TMEM178B: variants seen among roughly 807,000 people sequenced by gnomAD.
TMEM178B encodes transmembrane protein 178B.
TMEM178B carries 5 observed loss-of-function variants against 31.0 expected under a neutral mutation model. That is an observed-to-expected ratio of 0.16 (90% CI 0.08 to 0.34). The LOEUF is 0.34. Ranked by LOEUF, TMEM178B falls within the 10% of genes least tolerant of loss-of-function variation. The pLI is 1.00. For missense variants in TMEM178B, 275 were observed against 400.3 expected (o/e 0.69, Z 2.67); for synonymous variants, 164 against 164.0 (o/e 1.00, Z 0.00).
chr7:141,349,643 A>G (rs961541524), intron 2 of TMEM178B, among the ~76,000 whole-genome samples: 3 of 152,216 alleles, frequency 2.0e-5, no homozygotes, highest in Non-Finnish European at 2.9e-5. Context: ...GGCAGAAGGC[A>G]ATCGTTTCAT....
intron 2 of TMEM178B, among the ~76,000 whole-genome samples, chr7:141,364,058 C>T (rs1563162516): frequency 6.6e-6 from 1 of 152,094 alleles, no homozygotes; most frequent in African/African-American, 2.4e-5. Context: ...AGGCTTTTCT[C>T]ACCCATGAAT....
At chr7:141,402,614 G>A (rs1435447744) in intron 2 of TMEM178B, among the ~76,000 whole-genome samples, 1 of 152,252 alleles carries the variant, frequency 6.6e-6, no homozygotes, top group African/African-American at 2.4e-5. Flanking sequence ...GGGTGGGAGA[G>A]AAGTGAATTT....
At chr7:141,333,797 C>G (rs1397566899) in intron 2 of TMEM178B, among the ~76,000 whole-genome samples, 1 of 152,232 alleles carries the variant, frequency 6.6e-6, no homozygotes, top group Non-Finnish European at 1.5e-5. Context: ...AACTGTTCCA[C>G]CTCAGATCAT....
chr7:141,344,628 C>CTTCT lies in TMEM178B; in HGVS notation c.497-92979_497-92978insTCTT. On this transcript the variant is annotated intron_variant, in intron 2 of 3. Coordinates refer to ENST00000565468, the MANE Select transcript of TMEM178B (RefSeq NM_001195278.2). The surrounding 1 kb of genome is among the most constrained non-coding windows in gnomAD (Gnocchi z 4.1). ...CCTTCCTTCCTTCCTTCCTTCCTTC[C>CTTCT]TCCCTTCCTTCTTCCCTTCATCAAA... 6.9e-6 allele frequency among the ~76,000 whole-genome samples: 1 copy of CTTCT among 145,222 alleles called. No individual in the cohort carries two copies. Among genetic ancestry groups the CTTCT allele is most frequent in the Non-Finnish European group, 1.5e-5 (1 of 66,494 alleles).
intron 1 of TMEM178B, among the ~76,000 whole-genome samples, chr7:141,133,917 A>G (rs1795634005): frequency 1.3e-5 from 2 of 152,232 alleles, no homozygotes; most frequent in South Asian, 2.1e-4. Flanking sequence ...GGCCAAGAGA[A>G]TATATCATGG....
intron 1 of TMEM178B, among the ~76,000 whole-genome samples, chr7:141,195,811 C>T (rs1796773671): frequency 6.6e-6 from 1 of 152,176 alleles, no homozygotes; most frequent in African/African-American, 2.4e-5. Flanking sequence ...GGGGAGGCCT[C>T]AGAATCATAG....
At chr7:141,191,126 C>T (rs547022112) in intron 1 of TMEM178B, among the ~76,000 whole-genome samples, 6 of 152,300 alleles carry the variant, frequency 3.9e-5, no homozygotes, top group South Asian at 2.1e-4. Context: ...AAGAACTTAT[C>T]GTATATATTA....
chr7:141,423,545 G>A (rs1801254854), intron 2 of TMEM178B, among the ~76,000 whole-genome samples: 1 of 152,214 alleles, frequency 6.6e-6, no homozygotes, highest in African/African-American at 2.4e-5. Flanking sequence ...GAATATGGAG[G>A]AGGAGGAGGG....
At chr7:141,211,112 A>G (rs1323139793) in intron 1 of TMEM178B, among the ~76,000 whole-genome samples, 1 of 152,108 alleles carries the variant, frequency 6.6e-6, no homozygotes, top group East Asian at 1.9e-4. Flanking sequence ...AAGTTTTGCA[A>G]GTTAAGGAAG....
the TMEM178B span, among the ~76,000 whole-genome samples, chr7:141,505,173 T>C: frequency 6.6e-6 from 1 of 152,256 alleles, no homozygotes; most frequent in African/African-American, 2.4e-5. Context: ...ATAGAAAGCC[T>C]AGTGGTTTGG....
intron 2 of TMEM178B, among the ~76,000 whole-genome samples, chr7:141,290,633 C>A (rs1205845821): frequency 1.3e-5 from 2 of 152,162 alleles, no homozygotes. Context: ...TAATACATCA[C>A]CTTCCATAGT....
chr7:141,302,524 G>T (rs529373157), intron 2 of TMEM178B, among the ~76,000 whole-genome samples: 1 of 152,188 alleles, frequency 6.6e-6, no homozygotes, highest in East Asian at 1.9e-4. Context: ...ATTGTTTAAT[G>T]GGTACAGAGT....
rs1049992001 is a variant in TMEM178B, at chr7:141,470,821, T to G, written c.*35T>G. 4.4e-6 allele frequency: 4 copies of G among 907,260 alleles called. No homozygotes were observed. The African/African-American group carries it at 7.1e-5, about 16-fold the overall frequency. 56.2% of individuals were successfully genotyped at this position (907,260 alleles called of 1,614,324 possible). The stretch of plus-strand genomic sequence containing the variant: ...CCATACATACATATATATATATAAA[T>G]ATATATATATAATATACATATATAA... On this transcript the variant is annotated 3_prime_UTR_variant, in exon 4 of 4. Transcript: ENST00000565468.
chr7:141,109,592 AG>A lies in TMEM178B; in HGVS notation c.382+34907del, dbSNP rs376870246. Among the ~76,000 whole-genome samples, 147 of 152,200 alleles carry A rather than the reference AG, an allele frequency of 9.7e-4. 1 individual carries two copies. The South Asian group carries it at 0.018, about 18-fold the overall frequency. On this transcript the variant is annotated intron_variant, in intron 1 of 3. Coordinates refer to ENST00000565468, the MANE Select transcript of TMEM178B (RefSeq NM_001195278.2). The stretch of plus-strand genomic sequence containing the variant: ...CCTTTGCTAGATTGTAAGCATTGCA[AG>A]GGGGGGACTGTGTCTTTCTCCTCAC...
intron 3 of TMEM178B, among the ~76,000 whole-genome samples, chr7:141,445,579 T>A (rs1421169557): frequency 6.6e-6 from 1 of 152,216 alleles, no homozygotes; most frequent in Non-Finnish European, 1.5e-5. Context: ...TCAAACTTCA[T>A]GACTCTTAGG....
At chr7:141,284,307 G>A (rs866589633) in intron 2 of TMEM178B, among the ~76,000 whole-genome samples, 6 of 151,966 alleles carry the variant, frequency 3.9e-5, no homozygotes, top group Non-Finnish European at 8.8e-5. Flanking sequence ...TTAAATTTAC[G>A]TTTTTAGTCC....
At chr7:141,429,082 T>C (rs912741655) in intron 2 of TMEM178B, among the ~76,000 whole-genome samples, 1 of 152,078 alleles carries the variant, frequency 6.6e-6, no homozygotes, top group African/African-American at 2.4e-5. Flanking sequence ...ATGAAATTAG[T>C]ACAGCCATTA....
chr7:141,112,347 G>T (rs770687046), intron 1 of TMEM178B, among the ~76,000 whole-genome samples: 1 of 152,024 alleles, frequency 6.6e-6, no homozygotes, highest in Non-Finnish European at 1.5e-5. Flanking sequence ...TGATTTCCTG[G>T]GCTCAAGCAA....
chr7:141,361,723 C>T (rs554825081), intron 2 of TMEM178B, among the ~76,000 whole-genome samples: 6 of 152,238 alleles, frequency 3.9e-5, no homozygotes, highest in African/African-American at 9.6e-5. Flanking sequence ...TCCATGACAC[C>T]GAGGCTGAGT....
Sources: gnomAD v4.1 joint callset for allele counts (sites outside exome capture counted in the v4.1 genomes callset) on GRCh38, gnomAD v4.1.1 for gene constraint, Gnocchi (gnomAD v3.1) non-coding constraint, MANE v1.5 for transcripts, NCBI Gene and HGNC (gene_info 2026-07-23, HGNC 2026-07-21) for gene names.